DPP6: variants seen among roughly 807,000 people sequenced by gnomAD.
DPP6 encodes dipeptidyl peptidase like 6, also known as A-type potassium channel modulatory protein DPP6.
In DPP6, 69 loss-of-function variants were observed where a neutral mutation model predicts 122.6. The observed-to-expected ratio is 0.56, with a 90% CI of 0.46 to 0.69. DPP6 has a LOEUF of 0.69. Ranked by LOEUF, DPP6 falls within the 30% of genes least tolerant of loss-of-function variation. DPP6 has a pLI of 0.00. For synonymous variants in DPP6, 418 were observed against 433.1 expected, an observed-to-expected ratio of 0.97 and a Z score of 0.43; for missense variants, 928 against 1,116.9, an observed-to-expected ratio of 0.83 and a Z score of 2.41.
chr7:154,804,816 C>A, intron 14 of DPP6, 101 bp from the exon 15 acceptor site: 1 of 1,503,188 alleles, frequency 6.7e-7, no homozygotes, highest in Non-Finnish European at 9.1e-7. Context: ...AGGCCATGGG[C>A]GGCAGTCCCT....
intron 1 of DPP6, among the ~76,000 whole-genome samples, chr7:154,120,563 G>A (rs1253083623): frequency 1.3e-5 from 2 of 152,014 alleles, no homozygotes; most frequent in Non-Finnish European, 2.9e-5. Context: ...CATTTCAAAG[G>A]GGTCTTCCTT....
chr7:153,989,238 AGT>A (rs565432400), intron 1 of DPP6, among the ~76,000 whole-genome samples: 13 of 130,154 alleles, frequency 1.0e-4, no homozygotes, highest in African/African-American at 2.6e-4. Flanking sequence ...AGCGTGTCAC[AGT>A]GTGTGTCACT....
At chr7:154,545,356 A>G (rs1361240971) in intron 4 of DPP6, among the ~76,000 whole-genome samples, 1 of 152,088 alleles carries the variant, frequency 6.6e-6, no homozygotes, top group African/African-American at 2.4e-5. Flanking sequence ...CATTTGGCCA[A>G]TGGTTGCCTG....
Position 153,967,065 on chromosome 7 carries a change from T to TTA in DPP6, c.51+79331_51+79332insTA, listed in dbSNP as rs1795781906. 3.6e-5 allele frequency among the ~76,000 whole-genome samples: 5 copies of TTA among 140,696 alleles called. No individual in the cohort carries two copies. The South Asian group carries it at 1.1e-3, about 32-fold the overall frequency. The allele number at this position is 140,696 out of a possible 152,430, so 92.3% of individuals were successfully genotyped here. On this transcript the variant is annotated intron_variant, in intron 1 of 25. Transcript: ENST00000404039. ...CTGAGTGACAGGGCAAGACCCTGTC[T>TTA]CACAAACAAACAAACAAACACAAAA...
At chr7:154,843,628 G>A (rs1201914069) in intron 16 of DPP6, among the ~76,000 whole-genome samples, 3 of 152,210 alleles carry the variant, frequency 2.0e-5, no homozygotes, top group Admixed American at 6.5e-5. Flanking sequence ...TCTAAGAGCC[G>A]AGTGCAGTAC....
intron 1 of DPP6, among the ~76,000 whole-genome samples, chr7:154,420,497 C>G (rs1817380579): frequency 6.6e-6 from 1 of 152,058 alleles, no homozygotes; most frequent in African/African-American, 2.4e-5. Context: ...GGTTGCCAGG[C>G]ACTGGGAGGA....
chr7:153,915,822 A>G (rs1800280558), intron 1 of DPP6, among the ~76,000 whole-genome samples: 1 of 152,204 alleles, frequency 6.6e-6, no homozygotes, highest in Admixed American at 6.5e-5. Flanking sequence ...AGCTACAGGC[A>G]AAATAAATAA....
intron 1 of DPP6, among the ~76,000 whole-genome samples, chr7:154,235,569 T>G (rs566269565): frequency 6.7e-6 from 1 of 149,182 alleles, no homozygotes; most frequent in East Asian, 1.9e-4. Context: ...TTTGTTCCTT[T>G]CTATTGTCAA....
At chr7:154,448,742 T>A (rs1820102875) in intron 2 of DPP6, among the ~76,000 whole-genome samples, 1 of 152,196 alleles carries the variant, frequency 6.6e-6, no homozygotes, top group Non-Finnish European at 1.5e-5. Flanking sequence ...TGGAATAGAA[T>A]TGAGAGTTCA....
chr7:154,452,458 A>G (rs1820467558), intron 2 of DPP6, among the ~76,000 whole-genome samples: 1 of 152,260 alleles, frequency 6.6e-6, no homozygotes, highest in African/African-American at 2.4e-5. Context: ...ATGTTTGCAC[A>G]CAGTGTTGAG....
At chr7:154,243,194 A>G (rs1229913776) in intron 1 of DPP6, among the ~76,000 whole-genome samples, 2 of 152,214 alleles carry the variant, frequency 1.3e-5, no homozygotes, top group African/African-American at 4.8e-5. Flanking sequence ...TCATGAAAAC[A>G]TTTTGTCTAT....
intron 1 of DPP6, among the ~76,000 whole-genome samples, chr7:154,032,901 T>A (rs1296868519): frequency 2.5e-5 from 3 of 122,148 alleles, no homozygotes; most frequent in Non-Finnish European, 5.4e-5. Context: ...TTCAGCCTTT[T>A]CAGGTGGCTT....
chr7:153,861,189 G>A, the DPP6 span, among the ~76,000 whole-genome samples: 5 of 152,094 alleles, frequency 3.3e-5, no homozygotes, highest in Admixed American at 2.0e-4. Context: ...TTAAGGCAAC[G>A]GGTTTAATAT....
chr7:153,803,206 C>A, the DPP6 span, among the ~76,000 whole-genome samples: 14 of 150,218 alleles, frequency 9.3e-5, no homozygotes, highest in Non-Finnish European at 1.5e-5. Flanking sequence ...GGATATTTAT[C>A]CACTTGTCCC....
At chr7:154,458,608 G>A (rs1296700071) in intron 2 of DPP6, among the ~76,000 whole-genome samples, 1 of 152,196 alleles carries the variant, frequency 6.6e-6, no homozygotes, top group Non-Finnish European at 1.5e-5. Flanking sequence ...TCTGTTGTTT[G>A]AAGCCATCAA....
chr7:153,748,333 G>C, the DPP6 span, among the ~76,000 whole-genome samples: 1 of 150,386 alleles, frequency 6.6e-6, no homozygotes, highest in Non-Finnish European at 1.5e-5. Context: ...GGCAAGAGTG[G>C]GCGCCAGTCC....
rs373509269 is a variant in DPP6, at chr7:154,037,187, G to A, written c.51+149453G>A. On this transcript the variant is annotated intron_variant, in intron 1 of 25. Coordinates refer to the DPP6 transcript ENST00000404039. ...CAGCTTTGAGCTTGGTAGGAAGACG[G>A]CCTTCCCAGGAACCAGAGAGGAGAG... Among the ~76,000 whole-genome samples, 51 of 152,274 alleles carry A rather than the reference G, an allele frequency of 3.3e-4. 1 individual carries two copies. The South Asian group carries it at 0.01, about 31-fold the overall frequency.
intron 1 of DPP6, among the ~76,000 whole-genome samples, chr7:154,124,196 A>G (rs923894295): frequency 8.5e-5 from 13 of 152,336 alleles, no homozygotes; most frequent in South Asian, 2.1e-4. Flanking sequence ...AGTCTTTGCT[A>G]TCATCATGAA....
chr7:154,140,033 A>G (rs1215120830), intron 1 of DPP6, among the ~76,000 whole-genome samples: 1 of 152,124 alleles, frequency 6.6e-6, no homozygotes, highest in Admixed American at 6.5e-5. Context: ...TATCCATCAG[A>G]TCCTCCAATA....
Sources: gnomAD v4.1 joint callset for allele counts (sites outside exome capture counted in the v4.1 genomes callset) on GRCh38, gnomAD v4.1.1 for gene constraint, MANE v1.5 for transcripts, NCBI Gene and HGNC (gene_info 2026-07-23, HGNC 2026-07-21) for gene names.